Variants in RGL1 observed in about 807,000 individuals in gnomAD.
The protein encoded by RGL1 is ral guanine nucleotide dissociation stimulator like 1.
In RGL1, 24 loss-of-function variants were observed where a neutral mutation model predicts 95.2. The ratio of observed to expected loss-of-function variants is 0.25; its 90% CI spans 0.18 to 0.35. The LOEUF is 0.35. RGL1 is among the 10% of genes least tolerant of loss of function. RGL1 has a pLI of 1.00. For synonymous variants in RGL1, 329 were observed against 344.9 expected, an observed-to-expected ratio of 0.95 and a Z score of 0.51; for missense variants, 715 against 936.3, an observed-to-expected ratio of 0.76 and a Z score of 3.08.
chr1:183,760,067 A>T (rs1047218372), intron 2 of RGL1, among the ~76,000 whole-genome samples: 15 of 152,160 alleles, frequency 9.9e-5, no homozygotes, highest in African/African-American at 3.4e-4. Flanking sequence ...AAGTCACATA[A>T]ATTTTTTTTT....
chr1:183,818,777 T>A (rs1222987496), intron 2 of RGL1, among the ~76,000 whole-genome samples: 1 of 152,208 alleles, frequency 6.6e-6, no homozygotes, highest in Non-Finnish European at 1.5e-5. Flanking sequence ...GTGACTTTTT[T>A]TTGGTATTTG....
chr1:183,857,797 G>T (rs1311367016), intron 3 of RGL1, among the ~76,000 whole-genome samples: 2 of 152,206 alleles, frequency 1.3e-5, no homozygotes, highest in African/African-American at 4.8e-5. Context: ...CTTTTGCCAA[G>T]TGGACCCAAC....
chr1:183,909,138 A>G (rs1306205823), intron 14 of RGL1, among the ~76,000 whole-genome samples: 2 of 152,228 alleles, frequency 1.3e-5, no homozygotes, highest in East Asian at 1.9e-4. Flanking sequence ...GGCATCTATT[A>G]TGAAAGCAGT....
chr1:183,864,774 A>G (rs904063249), intron 3 of RGL1, among the ~76,000 whole-genome samples: 4 of 152,232 alleles, frequency 2.6e-5, no homozygotes, highest in African/African-American at 4.8e-5. Flanking sequence ...AGAAAGGAGC[A>G]GGTGGATGGG....
At chr1:183,870,918 A>T (rs568204441) in intron 4 of RGL1, among the ~76,000 whole-genome samples, 1 of 151,922 alleles carries the variant, frequency 6.6e-6, no homozygotes, top group Non-Finnish European at 1.5e-5. Context: ...AGCCTGGAGA[A>T]CTCGGATCCT....
intron 2 of RGL1, among the ~76,000 whole-genome samples, chr1:183,809,019 T>C (rs1661525453): frequency 6.6e-6 from 1 of 152,234 alleles, no homozygotes; most frequent in Non-Finnish European, 1.5e-5. Context: ...TCTTCATGTC[T>C]AGAATGATAA....
intron 2 of RGL1, among the ~76,000 whole-genome samples, chr1:183,828,372 A>G (rs1663018952): frequency 6.6e-6 from 1 of 151,924 alleles, no homozygotes; most frequent in African/African-American, 2.4e-5. Flanking sequence ...CTTGTTGCTG[A>G]GTTTGTGATT....
intron 1 of RGL1, among the ~76,000 whole-genome samples, chr1:183,685,170 A>G (rs1293365938): frequency 6.6e-6 from 1 of 151,758 alleles, no homozygotes; most frequent in African/African-American, 2.4e-5. Context: ...TTTTTTTCCT[A>G]TTTAAAATGC....
At chr1:183,761,259 T>A (rs977925799) in intron 2 of RGL1, among the ~76,000 whole-genome samples, 3 of 152,208 alleles carry the variant, frequency 2.0e-5, no homozygotes, top group Admixed American at 2.0e-4. Context: ...ATGAAATATA[T>A]TTCTTAACTA....
intron 1 of RGL1, among the ~76,000 whole-genome samples, chr1:183,713,385 C>CA (rs1170155719): frequency 7.3e-6 from 1 of 137,864 alleles, no homozygotes; most frequent in Admixed American, 7.2e-5. Context: ...CACCCCCCCC[C>CA]CCCGCTTTTA....
chr1:183,796,079 C>T (rs1660683704), intron 2 of RGL1, among the ~76,000 whole-genome samples: 1 of 151,644 alleles, frequency 6.6e-6, no homozygotes, highest in Non-Finnish European at 1.5e-5. Context: ...ATTATGTATG[C>T]TCCTGAGCAC....
rs1457520785 is a variant in RGL1, at chr1:183,880,620, A to G, written c.430A>G (p.Ile144Val). 8.7e-6 allele frequency: 14 copies of G among 1,613,448 alleles called. No homozygotes were observed. Among genetic ancestry groups the G allele is most frequent in the East Asian group, 4.5e-5 (2 of 44,864 alleles). ...CTCTCCATTTGTCTTTCTCAGTGCAATCGCTTCCATACTAAGGGCCTGGCT... is the reference window on the plus strand; with the variant it reads ...CTCTCCATTTGTCTTTCTCAGTGCAGTCGCTTCCATACTAAGGGCCTGGCT... ...SESKMVIRNA[I>V]ASILRAWLDQ... Residue 144 changes from isoleucine to valine, a missense_variant, in exon 5 of 18, where the codon ATC (isoleucine) becomes GTC (valine). Around this residue, in one of 3 missense-constraint regions of RGL1, gnomAD observed 381 missense variants for 484.8 expected, o/e 0.79. Transcript: ENST00000360851.
At chr1:183,837,882 A>G (rs1663778186) in intron 2 of RGL1, among the ~76,000 whole-genome samples, 1 of 152,180 alleles carries the variant, frequency 6.6e-6, no homozygotes, top group Admixed American at 6.5e-5. Flanking sequence ...TCGCATGTGC[A>G]GTTCACAATA....
At chr1:183,912,430 A>G (rs1374524854) in intron 15 of RGL1, among the ~76,000 whole-genome samples, 162 bp downstream of exon 15, 1 of 152,216 alleles carries the variant, frequency 6.6e-6, no homozygotes, top group African/African-American at 2.4e-5. Flanking sequence ...GGGACATACT[A>G]CTAATAGAAA....
intron 2 of RGL1, among the ~76,000 whole-genome samples, chr1:183,826,924 C>G (rs1269286233): frequency 6.7e-6 from 1 of 149,900 alleles, no homozygotes; most frequent in Non-Finnish European, 1.5e-5. Flanking sequence ...TTTTTCTTTT[C>G]TTTTCTTTTC....
intron 3 of RGL1, among the ~76,000 whole-genome samples, chr1:183,859,568 T>C (rs534313395): frequency 3.3e-5 from 5 of 152,258 alleles, no homozygotes; most frequent in Non-Finnish European, 5.9e-5. Context: ...TATGGAGATA[T>C]GTGGACAATG....
At chr1:183,917,060 A>G (rs1390713255) in intron 16 of RGL1, among the ~76,000 whole-genome samples, 2 of 152,168 alleles carry the variant, frequency 1.3e-5, no homozygotes, top group African/African-American at 2.4e-5. Flanking sequence ...AACCTCACAC[A>G]TTTTTGGAAG....
Position 183,830,197 on chromosome 1 carries a change from G to A in RGL1, c.139-17369G>A, listed in dbSNP as rs137916452. Among the ~76,000 whole-genome samples, 38 of 152,190 alleles carry A rather than the reference G, an allele frequency of 2.5e-4. No homozygotes were observed. The East Asian group carries it at 3.7e-3, about 15-fold the overall frequency. ...GGGCCTTTTTATAAAGTGGCAATGC[G>A]CCTAACTTAGCATTCTAGAATGAGA... is the stretch of plus-strand genomic sequence containing the variant. On this transcript the variant is annotated intron_variant, in intron 2 of 17. Transcript: ENST00000360851.
At chr1:183,750,888 G>A (rs1293481463) in intron 2 of RGL1, among the ~76,000 whole-genome samples, 1 of 152,242 alleles carries the variant, frequency 6.6e-6, no homozygotes, top group Non-Finnish European at 1.5e-5. Context: ...ATCACCAGTG[G>A]AGGCTGCAAA....
Sources: allele counts gnomAD v4.1 joint callset (sites outside exome capture counted in the v4.1 genomes callset), GRCh38; gene constraint gnomAD v4.1.1; regional missense constraint gnomAD v4.1.1; transcripts MANE v1.5; gene names NCBI Gene and HGNC (gene_info 2026-07-23, HGNC 2026-07-21).